The following ZNF75D variants were observed in gnomAD, a reference collection of about 807,000 sequenced individuals.
ZNF75D encodes the protein zinc finger protein 75.
A neutral mutation model predicts 33.3 loss-of-function variants in ZNF75D; 33 were observed. That is an observed-to-expected ratio of 0.99 (90% CI 0.75 to 1.32). The LOEUF (loss-of-function observed/expected upper bound fraction) is 1.32, where lower values mean the gene tolerates loss of function less well. Among genes scored for constraint, ZNF75D ranks in the 40% most tolerant of loss-of-function variants. The pLI, the probability that ZNF75D is intolerant of heterozygous loss-of-function variation, is 0.00. For missense variants in ZNF75D, 338 were observed against 367.5 expected (o/e 0.92, Z 0.66); for synonymous variants, 113 against 130.6 (o/e 0.87, Z 0.92).
chrX:135,342,965 G>A lies in ZNF75D; in HGVS notation c.-1588C>T, dbSNP rs1251596499. ...CCCCCTTTGATCTACCTCCAGAGCGGACACTATGACAGCGACACTGCCTCC... is the reference window on the plus strand; with the variant it reads ...CCCCCTTTGATCTACCTCCAGAGCGAACACTATGACAGCGACACTGCCTCC... On this transcript the variant is annotated 5_prime_UTR_variant, in exon 1 of 7. Transcript: ENST00000370766. The A allele has an allele frequency of 9.0e-6, 1 of 111,499 alleles. No individual in the cohort carries two copies. The highest frequency in any genetic ancestry group is 3.3e-5 in the African/African-American group (1 of 30,484). The allele number at this position is 111,499 out of a possible 1,213,427, so 9.2% of individuals were successfully genotyped here.
chrX:135,291,607 A>G (rs1375881769), intron 4 of ZNF75D, 44 bp from the exon 5 acceptor site: 2 of 1,191,255 alleles, frequency 1.7e-6, no homozygotes, highest in African/African-American at 3.5e-5. Flanking sequence ...TTTCCTATTT[A>G]CAAACATCCC....
rs180872559 is a variant in ZNF75D, at chrX:135,328,486, G to A, written c.-391+13282C>T. Reference sequence around the variant, plus strand: ...CCTGTCTCCTGCCCTAGATAAATGGGAATGACAGTTGCACCCACCTCAAGG... The same window carrying A: ...CCTGTCTCCTGCCCTAGATAAATGGAAATGACAGTTGCACCCACCTCAAGG... On this transcript the variant is annotated intron_variant, in intron 1 of 6. Coordinates refer to ENST00000370766, the MANE Select transcript of ZNF75D (RefSeq NM_007131.5). Among the ~76,000 whole-genome samples the A allele has an allele frequency of 6.6e-3, 738 of 111,631 alleles. 2 individuals are homozygous for A. Among genetic ancestry groups the A allele is most frequent in the Admixed American group, 0.013 (134 of 10,555 alleles).
At chrX:135,290,980 T>G in intron 6 of ZNF75D, 29 bp downstream of exon 6, 6 of 1,194,648 alleles carry the variant, frequency 5.0e-6, no homozygotes, top group Non-Finnish European at 4.5e-6. Flanking sequence ...TTACTTAACT[T>G]CTACACAATG....
chrX:135,312,377 TTC>T (rs1216601066), intron 1 of ZNF75D, among the ~76,000 whole-genome samples: 2 of 111,581 alleles, frequency 1.8e-5, no homozygotes, highest in African/African-American at 6.5e-5. Context: ...ACACTACATT[TTC>T]TTTTTCCACT....
intron 1 of ZNF75D, among the ~76,000 whole-genome samples, chrX:135,306,829 T>C (rs1361666429): frequency 7.1e-5 from 8 of 112,515 alleles, no homozygotes; most frequent in African/African-American, 2.6e-4. Context: ...ATTTTATTTC[T>C]ATGATATTCC....
At chrX:135,258,053 A>G (rs2083815542) in intron 1 of ZNF75D, among the ~76,000 whole-genome samples, 1 of 108,689 alleles carries the variant, frequency 9.2e-6, no homozygotes, top group African/African-American at 3.3e-5. Flanking sequence ...ATGAGTGAGA[A>G]CATGCAGTGT....
chrX:135,252,289 C>T (rs1217972734), intron 2 of ZNF75D, among the ~76,000 whole-genome samples: 1 of 99,321 alleles, frequency 1.0e-5, no homozygotes, highest in Non-Finnish European at 2.0e-5. Context: ...TTTCTCAGTT[C>T]CAATCTCACC....
intron 1 of ZNF75D, among the ~76,000 whole-genome samples, chrX:135,336,285 C>G (rs951906629): frequency 8.9e-6 from 1 of 112,231 alleles, no homozygotes; most frequent in Non-Finnish European, 1.9e-5. Context: ...ATTTTGGACT[C>G]CCAACCTCCA....
rs992207196 is a variant in ZNF75D, at chrX:135,336,948, G to A, written c.-391+4820C>T. ...ATCAGATACCTGCAAAGAAGTCCTT[G>A]AAGTTCTTTCCCAAGGACACACAGC... On this transcript the variant is annotated intron_variant, in intron 1 of 6. Coordinates refer to ENST00000370766, the MANE Select transcript of ZNF75D (RefSeq NM_007131.5). 3.9e-4 allele frequency among the ~76,000 whole-genome samples: 44 copies of A among 111,694 alleles called. 1 individual carries two copies. The highest frequency in any genetic ancestry group is 3.8e-4 in the Non-Finnish European group (20 of 53,136).
At chrX:135,276,914 C>T (rs782257259) in intron 1 of ZNF75D, among the ~76,000 whole-genome samples, 1 of 111,725 alleles carries the variant, frequency 9.0e-6, no homozygotes, top group African/African-American at 3.3e-5. Context: ...GGGTTGGTTC[C>T]AAGTCTTTGC....
At chrX:135,308,367 T>C (rs782034502) in intron 1 of ZNF75D, among the ~76,000 whole-genome samples, 1 of 112,031 alleles carries the variant, frequency 8.9e-6, no homozygotes, top group East Asian at 2.8e-4. Context: ...GTCTGACAGG[T>C]AAAATATTCT....
intron 1 of ZNF75D, among the ~76,000 whole-genome samples, chrX:135,279,439 T>A (rs1396925986): frequency 8.9e-6 from 1 of 111,888 alleles, no homozygotes; most frequent in Non-Finnish European, 1.9e-5. Context: ...AAAAAACAGC[T>A]CCTGGATTCA....
chrX:135,338,922 A>T (rs1237827580), intron 1 of ZNF75D, among the ~76,000 whole-genome samples: 1 of 66,884 alleles, frequency 1.5e-5, no homozygotes, highest in Non-Finnish European at 2.7e-5. Flanking sequence ...CCTTCTCTTC[A>T]CCTCCCTCCT....
At chrX:135,260,037 A>G (rs782175094) in intron 1 of ZNF75D, among the ~76,000 whole-genome samples, 1 of 112,149 alleles carries the variant, frequency 8.9e-6, no homozygotes, top group South Asian at 3.7e-4. Flanking sequence ...CCTTTTCTGC[A>G]TCTCTTGAGA....
intron 1 of ZNF75D, among the ~76,000 whole-genome samples, chrX:135,278,883 C>T (rs1053735428): frequency 3.6e-5 from 4 of 111,584 alleles, no homozygotes; most frequent in Middle Eastern, 4.6e-3. Context: ...CTGCTGGATT[C>T]GGTTTGCCAG....
At chrX:135,272,007 C>T (rs1181516419) in intron 1 of ZNF75D, among the ~76,000 whole-genome samples, 1 of 110,919 alleles carries the variant, frequency 9.0e-6, no homozygotes, top group Middle Eastern at 4.2e-3. Context: ...GAAAGTGCAG[C>T]TGATCTGGCT....
intron 1 of ZNF75D, among the ~76,000 whole-genome samples, chrX:135,326,877 C>A (rs540969960): frequency 1.8e-5 from 2 of 112,138 alleles, no homozygotes; most frequent in South Asian, 7.6e-4. Context: ...TCAGAAGGAA[C>A]AAACTCCAGA....
exon 4 of ZNF75D, chrX:135,249,247 G>T (rs2083771957): frequency 3.2e-6 from 1 of 311,683 alleles, no homozygotes; most frequent in Non-Finnish European, 6.3e-6. Context: ...GTGTCCCTGA[G>T]CCATGACTGC....
intron 1 of ZNF75D, among the ~76,000 whole-genome samples, chrX:135,306,481 T>C (rs1043405043): frequency 8.9e-6 from 1 of 112,325 alleles, no homozygotes. Context: ...CATTTGCTAA[T>C]ACTACAGACT....
Sources: gnomAD v4.1 joint callset for allele counts (sites outside exome capture counted in the v4.1 genomes callset) on GRCh38, gnomAD v4.1.1 for gene constraint, MANE v1.5 for transcripts, NCBI Gene and HGNC (gene_info 2026-07-23, HGNC 2026-07-21) for gene names.